ABHD12: variants seen among roughly 807,000 people sequenced by gnomAD.
ABHD12 encodes abhydrolase domain containing 12, lysophospholipase, also known as lysophosphatidylserine lipase ABHD12.
A neutral mutation model predicts 58.3 loss-of-function variants in ABHD12; 43 were observed. That is an observed-to-expected ratio of 0.74 (90% CI 0.58 to 0.95). The LOEUF (loss-of-function observed/expected upper bound fraction) is 0.95, where lower values mean the gene tolerates loss of function less well. Among genes scored for constraint, ABHD12 ranks in the 40% least tolerant of loss-of-function variants. ABHD12 has a pLI of 0.00. For synonymous variants in ABHD12, 219 were observed against 211.2 expected, an observed-to-expected ratio of 1.04 and a Z score of -0.32; for missense variants, 539 against 537.2, an observed-to-expected ratio of 1.00 and a Z score of -0.03.
intron 7 of ABHD12, 31 bp downstream of exon 7, chr20:25,309,415 C>A (rs779254931): frequency 1.1e-5 from 17 of 1,613,618 alleles, no homozygotes; most frequent in Non-Finnish European, 1.4e-5. Flanking sequence ...CTGACTCCCA[C>A]TAAAGGCTGC....
intron 6 of ABHD12, among the ~76,000 whole-genome samples, chr20:25,311,371 T>C (rs1398177899): frequency 2.0e-5 from 3 of 152,212 alleles, no homozygotes; most frequent in African/African-American, 4.8e-5. Flanking sequence ...GGAACACAGG[T>C]GGCTGGAAAG....
At chr20:25,355,710 C>T (rs1285299287) in intron 1 of ABHD12, among the ~76,000 whole-genome samples, 1 of 152,126 alleles carries the variant, frequency 6.6e-6, no homozygotes, top group Non-Finnish European at 1.5e-5. Flanking sequence ...AGGCACCCAC[C>T]ACCATGCCCA....
In ABHD12 at chr20:25,317,152, C is replaced by A; in HGVS notation, c.543-74G>T. On this transcript the variant is annotated intron_variant, in intron 4 of 12. Coordinates refer to ENST00000339157, the MANE Select transcript of ABHD12 (RefSeq NM_001042472.3). The stretch of plus-strand genomic sequence containing the variant: ...GCCCCAGGTCAACTTGTCCTCCATA[C>A]CCCAAACCAGGGGGAGGCCAATGAA... 2.9e-6 allele frequency: 3 copies of A among 1,050,348 alleles called. No individual in the cohort carries two copies. In the South Asian group the frequency reaches 3.9e-5, roughly 14 times the overall value. The allele number at this position is 1,050,348 out of a possible 1,614,324, so 65.1% of individuals were successfully genotyped here.
rs182410147 is a variant in ABHD12, at chr20:25,379,434, A to C, written c.191+11079T>G. Among the ~76,000 whole-genome samples the C allele has an allele frequency of 5.1e-4, 77 of 152,310 alleles. 1 individual carries two copies. Among genetic ancestry groups the C allele is most frequent in the South Asian group, 1.7e-3 (8 of 4,832 alleles). On this transcript the variant is annotated intron_variant, in intron 1 of 12. Transcript: ENST00000339157. ...CACAAGCACTCAGAAGAGAACTGGC[A>C]GATTCCTTCACCCACAAATAGATCA...
At chr20:25,298,054 T>G (rs1600753133), downstream of ABHD12, 1 of 151,996 alleles carries the variant, frequency 6.6e-6, no homozygotes, top group Non-Finnish European at 1.5e-5. Flanking sequence ...TAACTGCAGG[T>G]GGTGGTATGA....
At chr20:25,304,636 C>G (rs2088701473) in intron 10 of ABHD12, among the ~76,000 whole-genome samples, 1 of 152,038 alleles carries the variant, frequency 6.6e-6, no homozygotes, top group Non-Finnish European at 1.5e-5. Flanking sequence ...GGTGCGATCT[C>G]AGCTCACTGC....
chr20:25,374,677 G>A (rs1159397862), intron 1 of ABHD12, among the ~76,000 whole-genome samples: 2 of 152,064 alleles, frequency 1.3e-5, no homozygotes, highest in Non-Finnish European at 2.9e-5. Flanking sequence ...AATTTTAGTA[G>A]AGACAGGACA....
intron 1 of ABHD12, among the ~76,000 whole-genome samples, chr20:25,389,076 C>T (rs1481219040): frequency 6.6e-6 from 1 of 152,000 alleles, no homozygotes; most frequent in African/African-American, 2.4e-5. Flanking sequence ...AGAGTGCTGG[C>T]ATTACAGGCG....
intron 1 of ABHD12, among the ~76,000 whole-genome samples, chr20:25,366,906 C>G (rs2089829772): frequency 6.6e-6 from 1 of 152,078 alleles, no homozygotes; most frequent in African/African-American, 2.4e-5. Context: ...TGGACCAGAC[C>G]CCACACACCT....
In ABHD12 at chr20:25,358,747, C is replaced by T. The variant is rs1430777518; in HGVS notation, c.192-19396G>A. 5.3e-5 allele frequency among the ~76,000 whole-genome samples: 8 copies of T among 152,270 alleles called. No individual in the cohort carries two copies. The East Asian group carries it at 9.7e-4, about 18-fold the overall frequency. ...GTGAACTTGGACCCCTTGTCCATAT[C>T]GGCCACCCCCCAGAACACCTTTCAG... On this transcript the variant is annotated intron_variant, in intron 1 of 12. Transcript: ENST00000339157.
intron 1 of ABHD12, among the ~76,000 whole-genome samples, chr20:25,354,833 AGT>A (rs925332022): frequency 7.9e-5 from 12 of 152,180 alleles, no homozygotes; most frequent in Admixed American, 2.6e-4. Flanking sequence ...TTAGAATGAC[AGT>A]GTTTGGCCTC....
At chr20:25,384,156 GA>G (rs10708204) in intron 1 of ABHD12, among the ~76,000 whole-genome samples, 115,242 of 138,452 alleles carry the variant, frequency 0.83, 48,097 homozygotes, top group African/African-American at 0.91. Flanking sequence ...AAAAAAAAAA[GA>G]AAAAAAAAAA....
At chr20:25,324,700 C>T (rs1163519286) in intron 2 of ABHD12, among the ~76,000 whole-genome samples, 30 of 152,200 alleles carry the variant, frequency 2.0e-4, no homozygotes, top group Non-Finnish European at 1.8e-4. Context: ...GACATGGGGA[C>T]ATACACACTC....
In ABHD12 at chr20:25,300,296, GC is replaced by G. The variant is rs1333361208; in HGVS notation, c.*548del. On this transcript the variant is annotated 3_prime_UTR_variant, in exon 13 of 13. Coordinates refer to ENST00000339157, the MANE Select transcript of ABHD12 (RefSeq NM_001042472.3). ...ACAGGTAGGTGAAAGGGGAGGAAGT[GC>G]AGATCCCGGGCACTTCCACTGTGGG... The G allele has an allele frequency of 1.1e-5, 11 of 1,027,942 alleles. No individual in the cohort carries two copies. The highest frequency in any genetic ancestry group is 1.3e-5 in the Non-Finnish European group (11 of 854,984). 63.7% of individuals were successfully genotyped at this position (1,027,942 alleles called of 1,614,324 possible).
chr20:25,309,088 C>T (rs1253297465), intron 7 of ABHD12, among the ~76,000 whole-genome samples: 1 of 152,142 alleles, frequency 6.6e-6, no homozygotes, highest in Non-Finnish European at 1.5e-5. Context: ...ACTCAGGCTG[C>T]CCACAAAGGG....
At chr20:25,369,927 T>TAAAAAAA (rs3032443) in intron 1 of ABHD12, among the ~76,000 whole-genome samples, 21 of 91,416 alleles carry the variant, frequency 2.3e-4, no homozygotes, top group African/African-American at 8.5e-4. Flanking sequence ...GTCTCTGTTA[T>TAAAAAAA]AAAAAAAAAA....
intron 5 of ABHD12, among the ~76,000 whole-genome samples, 167 bp downstream of exon 5, chr20:25,316,881 T>A (rs1206426412): frequency 6.6e-6 from 1 of 152,218 alleles, no homozygotes; most frequent in African/African-American, 2.4e-5. Context: ...GCGCTGTGAC[T>A]GTACCACTGC....
At chr20:25,348,910 G>A (rs988436217) in intron 1 of ABHD12, among the ~76,000 whole-genome samples, 7 of 151,634 alleles carry the variant, frequency 4.6e-5, no homozygotes, top group African/African-American at 1.7e-4. Context: ...GTGAAACCCC[G>A]TCTCTACTAA....
At chr20:25,337,216 T>C (rs2089386550) in intron 2 of ABHD12, among the ~76,000 whole-genome samples, 1 of 152,138 alleles carries the variant, frequency 6.6e-6, no homozygotes, top group Non-Finnish European at 1.5e-5. Flanking sequence ...CAGTGAGCCG[T>C]GATCATACCC....
Sources: allele counts gnomAD v4.1 joint callset (sites outside exome capture counted in the v4.1 genomes callset), GRCh38; gene constraint gnomAD v4.1.1; transcripts MANE v1.5; gene names NCBI Gene and HGNC (gene_info 2026-07-23, HGNC 2026-07-21).